Variants in MAP2K1 observed in about 807,000 individuals in gnomAD.
The protein encoded by MAP2K1 is mitogen-activated protein kinase kinase 1.
Under a neutral mutation model 46.3 loss-of-function variants are expected in MAP2K1, and 16 were observed. That is an observed-to-expected ratio of 0.35 (90% CI 0.23 to 0.52). MAP2K1 has a LOEUF of 0.52. Among genes scored for constraint, MAP2K1 ranks in the 20% least tolerant of loss-of-function variants. MAP2K1 has a pLI of 0.94. For synonymous variants in MAP2K1, 183 were observed against 185.6 expected (o/e 0.99, Z 0.11); for missense variants, 263 against 497.1 (o/e 0.53, Z 4.48).
chr15:66,407,213 A>G (rs1344504593), intron 1 of MAP2K1, among the ~76,000 whole-genome samples: 2 of 151,912 alleles, frequency 1.3e-5, no homozygotes, highest in Non-Finnish European at 2.9e-5. Context: ...ATGCAGAATG[A>G]TCAAAAGAAG....
At chr15:66,427,753 C>A (rs932127610) in intron 1 of MAP2K1, among the ~76,000 whole-genome samples, 2 of 151,422 alleles carry the variant, frequency 1.3e-5, no homozygotes, top group Non-Finnish European at 2.9e-5. Flanking sequence ...TGGTGGCTCA[C>A]CCCTGTAATC....
At position 66,412,894 on chromosome 15, in the gene MAP2K1, TTTA is replaced by T. The variant is rs948443687; in HGVS notation, c.81-22118_81-22116del. Among the ~76,000 whole-genome samples, 67 of 151,550 alleles carry T rather than the reference TTTA, an allele frequency of 4.4e-4. No homozygotes were observed. The East Asian group carries it at 0.011, about 24-fold the overall frequency. ...TTTATTTATTTATTTATTTTATTAT[TTTA>T]TTATTATTATTATTTTTTGACACAG... On this transcript the variant is annotated intron_variant, in intron 1 of 10. Transcript: ENST00000307102.
intron 8 of MAP2K1, among the ~76,000 whole-genome samples, 173 bp downstream of exon 8, chr15:66,487,465 C>T (rs895897490): frequency 1.3e-5 from 2 of 152,072 alleles, no homozygotes; most frequent in African/African-American, 4.8e-5. Flanking sequence ...AAGGCAAAAC[C>T]CCATCTCTAC....
At chr15:66,448,007 G>A (rs1841221036) in intron 5 of MAP2K1, among the ~76,000 whole-genome samples, 1 of 151,842 alleles carries the variant, frequency 6.6e-6, no homozygotes, top group South Asian at 2.1e-4. Context: ...ACAAAAATTA[G>A]CCAGGCGTGG....
rs781328871 is a variant in MAP2K1, at chr15:66,490,609, C to A, written c.1176C>A (p.Gly392=). Residue 392 remains glycine (G), a synonymous_variant, in exon 11 of 11, where the codon GGC becomes GGA. Coordinates refer to ENST00000307102, the MANE Select transcript of MAP2K1 (RefSeq NM_002755.4). The part of the protein sequence containing the change: ...NQPSTPTHAA[G]V ...CCAGCACACCAACCCATGCTGCTGG[C>A]GTCTAAGTGTTTGGGAAGCAACAAA... The A allele has an allele frequency of 6.2e-7, 1 of 1,613,562 alleles. No homozygotes were observed. Among genetic ancestry groups the A allele is most frequent in the African/African-American group, 1.3e-5 (1 of 74,896 alleles).
intron 3 of MAP2K1, among the ~76,000 whole-genome samples, chr15:66,439,881 G>A (rs2140591008): frequency 6.7e-6 from 1 of 149,864 alleles, no homozygotes; most frequent in South Asian, 2.1e-4. Flanking sequence ...GTTGCAGTGA[G>A]CTGAGACCAC....
At chr15:66,395,586 T>A (rs1312471798) in intron 1 of MAP2K1, among the ~76,000 whole-genome samples, 1 of 150,754 alleles carries the variant, frequency 6.6e-6, no homozygotes, top group Non-Finnish European at 1.5e-5. Context: ...TTTTTTTTTT[T>A]TTTTTTGAGA....
chr15:66,424,888 C>G (rs576051428), intron 1 of MAP2K1, among the ~76,000 whole-genome samples: 2 of 147,742 alleles, frequency 1.4e-5, no homozygotes, highest in Non-Finnish European at 3.0e-5. Context: ...ACCTCTGCCT[C>G]CTGGGTTCAA....
At chr15:66,396,936 C>T (rs1363208318) in intron 1 of MAP2K1, among the ~76,000 whole-genome samples, 3 of 150,986 alleles carry the variant, frequency 2.0e-5, no homozygotes, top group African/African-American at 4.9e-5. Flanking sequence ...CTGCCCACCT[C>T]GGCCTCCCAA....
chr15:66,469,497 T>TG (rs1892559175), intron 5 of MAP2K1, among the ~76,000 whole-genome samples: 12 of 145,020 alleles, frequency 8.3e-5, no homozygotes, highest in South Asian at 6.5e-4. Flanking sequence ...TTTTTTTTTT[T>TG]TTGTTGAGGA....
chr15:66,443,344 A>C lies in MAP2K1; in HGVS notation c.503A>C (p.Lys168Thr). 3.1e-6 allele frequency: 5 copies of C among 1,607,334 alleles called. No individual in the cohort carries two copies. Among genetic ancestry groups the C allele is most frequent in the Non-Finnish European group, 4.3e-6 (5 of 1,173,948 alleles). ...AGAATTCCTGAACAAATTTTAGGAA[A>C]AGTTAGCATTGCTGTGAGTATGTTA... Reference protein sequence around the residue: ...AGRIPEQILGKVSIAVIKGLT... With the variant: ...AGRIPEQILGTVSIAVIKGLT... Residue 168 changes from lysine (K) to threonine (T), a missense_variant, in exon 4 of 11, where the codon AAA becomes ACA. Lys to Thr is a moderately conservative substitution (Grantham distance 78). Around this residue, in one of 4 missense-constraint regions of MAP2K1, gnomAD observed 103 missense variants for 221.6 expected, o/e 0.46. Coordinates refer to ENST00000307102, the MANE Select transcript of MAP2K1 (RefSeq NM_002755.4).
chr15:66,406,977 C>A (rs2093398792), intron 1 of MAP2K1, among the ~76,000 whole-genome samples: 1 of 152,008 alleles, frequency 6.6e-6, no homozygotes, highest in South Asian at 2.1e-4. Context: ...GCCTAGGCAA[C>A]AAGAGTGAAA....
chr15:66,459,931 C>T (rs1024485639), intron 5 of MAP2K1, among the ~76,000 whole-genome samples: 1 of 152,234 alleles, frequency 6.6e-6, no homozygotes, highest in Non-Finnish European at 1.5e-5. Context: ...GAGCAGAAGT[C>T]AGAGTGGCCC....
At chr15:66,472,030 TCG>T (rs1892645119) in intron 5 of MAP2K1, among the ~76,000 whole-genome samples, 1 of 131,698 alleles carries the variant, frequency 7.6e-6, no homozygotes. Flanking sequence ...TGAGCTGAGA[TCG>T]CGCCATTGCA....
At chr15:66,437,000 A>G in intron 3 of MAP2K1, 108 bp downstream of exon 3, 3 of 1,166,242 alleles carry the variant, frequency 2.6e-6, no homozygotes, top group Non-Finnish European at 3.8e-6. Flanking sequence ...TGCTCCTGGG[A>G]TCCACATCAC....
chr15:66,474,485 G>A (rs1454910568), intron 5 of MAP2K1, among the ~76,000 whole-genome samples: 1 of 152,156 alleles, frequency 6.6e-6, no homozygotes, highest in Non-Finnish European at 1.5e-5. Context: ...CCTGCCCCAA[G>A]TCAAATCCTT....
At chr15:66,464,083 T>C (rs1423496514) in intron 5 of MAP2K1, among the ~76,000 whole-genome samples, 1 of 152,232 alleles carries the variant, frequency 6.6e-6, no homozygotes, top group Non-Finnish European at 1.5e-5. Flanking sequence ...CCCCAAGATT[T>C]ATTTTCTTTC....
intron 5 of MAP2K1, among the ~76,000 whole-genome samples, chr15:66,447,956 G>C (rs936429749): frequency 3.3e-5 from 5 of 151,766 alleles, no homozygotes; most frequent in Non-Finnish European, 7.4e-5. Context: ...TTCGAGACCA[G>C]ACTGGCCAAC....
chr15:66,457,592 T>G (rs1164240814), intron 5 of MAP2K1, among the ~76,000 whole-genome samples: 2 of 152,206 alleles, frequency 1.3e-5, no homozygotes, highest in Non-Finnish European at 2.9e-5. Flanking sequence ...TGGTCCTTTT[T>G]TTATAGAAAA....
Sources: gnomAD v4.1 joint callset for allele counts (sites outside exome capture counted in the v4.1 genomes callset) on GRCh38, gnomAD v4.1.1 for gene constraint, gnomAD v4.1.1 regional missense constraint, MANE v1.5 for transcripts, NCBI Gene and HGNC (gene_info 2026-07-23, HGNC 2026-07-21) for gene names.